The following KLK5 variants were observed in gnomAD, a reference collection of about 807,000 sequenced individuals.
KLK5 encodes kallikrein-5.
In KLK5, 18 loss-of-function variants were observed where a neutral mutation model predicts 24.0. The observed-to-expected ratio is 0.75, with a 90% CI of 0.52 to 1.11. KLK5 has a LOEUF of 1.11. KLK5 is among the 50% of genes most tolerant of loss of function. The pLI is 0.00. For missense variants in KLK5, 374 were observed against 379.2 expected (o/e 0.99, Z 0.11); for synonymous variants, 140 against 154.0 (o/e 0.91, Z 0.67).
intron 2 of KLK5, 40 bp from the exon 3 acceptor site, chr19:50,950,156 G>A: frequency 6.3e-7 from 1 of 1,588,176 alleles, no homozygotes; most frequent in Non-Finnish European, 8.6e-7. Context: ...TCAGAGGCGG[G>A]GCTTGGGCTG....
chr19:50,950,776 C>T (rs1402827573), intron 2 of KLK5, among the ~76,000 whole-genome samples: 1 of 151,274 alleles, frequency 6.6e-6, no homozygotes, highest in Non-Finnish European at 1.5e-5. Context: ...CCTGTAATCC[C>T]AGCTACTCAG....
At chr19:50,944,753 T>C (rs907666327) in intron 5 of KLK5, among the ~76,000 whole-genome samples, 2 of 152,176 alleles carry the variant, frequency 1.3e-5, no homozygotes, top group Admixed American at 1.3e-4. Flanking sequence ...CCCCTCCATA[T>C]AGTTGTGACA....
At chr19:50,951,274 T>C (rs966532052) in intron 2 of KLK5, among the ~76,000 whole-genome samples, 3 of 152,044 alleles carry the variant, frequency 2.0e-5, no homozygotes, top group Non-Finnish European at 2.9e-5. Flanking sequence ...CCCTTTTTTT[T>C]TTCTTTTTTT....
chr19:50,949,099 G>A lies in KLK5; in HGVS notation c.352C>T (p.Leu118Phe). ...HCRKKVFRVR[L>F]GHYSLSPVYE... ...ACTGGTGACAGGGAGTAGTGGCCGA[G>A]ACGGACTCTGAAAACTCTGAGGAAG... The change falls in exon 4 of 6, where the codon CTC becomes TTC. Residue 118 changes from leucine (L) to phenylalanine (F), a missense_variant. Leu to Phe is a conservative substitution (Grantham distance 22). Transcript: ENST00000336334. 1 of 1,612,442 alleles carries A rather than the reference G, an allele frequency of 6.2e-7. No homozygotes were observed. The highest frequency in any genetic ancestry group is 2.2e-5 in the East Asian group (1 of 44,862).
Position 50,948,698 on chromosome 19 carries a change from C to T in KLK5, c.668G>A (p.Arg223Lys), listed in dbSNP as rs150072734. The change falls in exon 5 of 6, where the codon AGA (arginine) becomes AAA (lysine). Residue 223 changes from arginine to lysine, a missense_variant. Physicochemically the swap from Arg to Lys is conservative, Grantham distance 26. Transcript: ENST00000336334. ...SQKRCEDAYP[R>K]QIDDTMFCAG... ...GCAGAACATGGTGTCATCTATCTGT[C>T]TCGGGTAAGCATCCTCGCACCTTTT... 42 of 1,614,042 alleles carry T rather than the reference C, an allele frequency of 2.6e-5. No homozygotes were observed. The African/African-American group carries it at 5.5e-4, about 21-fold the overall frequency.
At chr19:50,950,990 G>T (rs1042085459) in intron 2 of KLK5, among the ~76,000 whole-genome samples, 1 of 152,028 alleles carries the variant, frequency 6.6e-6, no homozygotes, top group Non-Finnish European at 1.5e-5. Flanking sequence ...GCCTTAGGCG[G>T]GGTCCACTAG....
chr19:50,951,309 G>C (rs932754048), intron 2 of KLK5, among the ~76,000 whole-genome samples: 5 of 150,440 alleles, frequency 3.3e-5, no homozygotes, highest in Admixed American at 6.6e-5. Flanking sequence ...TTTCGCTCTT[G>C]TTGCCCAGGC....
Position 50,948,972 on chromosome 19 carries a change from T to C in KLK5, c.479A>G (p.Asn160Ser), listed in dbSNP as rs749552989. The C allele has an allele frequency of 6.2e-7, 1 of 1,613,996 alleles. No homozygotes were observed. The change falls in exon 4 of 6, where the codon AAC (asparagine) becomes AGC (serine). Residue 160 changes from asparagine to serine, a missense_variant. Physicochemically the swap from Asn to Ser is conservative, Grantham distance 46. Transcript: ENST00000336334. ...ATCTTTAGTGGGACGAATTCTTCTG[T>C]TCAGTTTGATGAGCATGAGGTCGTT... is the stretch of plus-strand genomic sequence containing the variant. ...HSNDLMLIKLNRRIRPTKDVR... is the reference protein window; with the variant it reads ...HSNDLMLIKLSRRIRPTKDVR...
chr19:50,943,831 A>G, intron 5 of KLK5, 45 bp from the exon 6 acceptor site: 2 of 1,531,230 alleles, frequency 1.3e-6, no homozygotes, highest in Non-Finnish European at 1.8e-6. Flanking sequence ...AGATGTGGCA[A>G]AGTGGGCAGA....
intron 5 of KLK5, among the ~76,000 whole-genome samples, chr19:50,948,035 T>C (rs2090650517): frequency 6.6e-6 from 1 of 152,218 alleles, no homozygotes; most frequent in South Asian, 2.1e-4. Context: ...TCATTCATAA[T>C]TGTTTTATAT....
At position 50,943,646 on chromosome 19, in the gene KLK5, G is replaced by T. The variant is rs374348589; in HGVS notation, c.867C>A (p.Ile289=). The change falls in exon 6 of 6, where the codon ATC becomes ATA. Residue 289 remains isoleucine, a synonymous_variant. Transcript: ENST00000336334. ...CTGGGATGACTCAGGAGTTGGCCTGGATGGTTTCCTGGATCCACTTGGTGA... is the reference window on the plus strand; with the variant it reads ...CTGGGATGACTCAGGAGTTGGCCTGTATGGTTTCCTGGATCCACTTGGTGA... The part of the protein sequence containing the change: ...CKFTKWIQET[I]QANS The T allele has an allele frequency of 3.1e-6, 5 of 1,614,024 alleles. No homozygotes were observed. The African/African-American group carries it at 5.3e-5, about 17-fold the overall frequency.
chr19:50,950,230 G>T, intron 2 of KLK5, 114 bp from the exon 3 acceptor site: 2 of 944,338 alleles, frequency 2.1e-6, no homozygotes, highest in Non-Finnish European at 3.2e-6. Flanking sequence ...ATGCTGAGGG[G>T]GCAGGGGCAG....
chr19:50,952,744 T>G lies in KLK5; in HGVS notation c.-12+3A>C, dbSNP rs112163114. 4 of 962,444 alleles carry G rather than the reference T, an allele frequency of 4.2e-6. No homozygotes were observed. The highest frequency in any genetic ancestry group is 3.3e-5 in the African/African-American group (2 of 59,984). The allele number at this position is 962,444 out of a possible 1,614,324, so 59.6% of individuals were successfully genotyped here. On this transcript the variant is annotated splice_donor_region_variant and intron_variant, in intron 1 of 5. Coordinates refer to ENST00000336334, the MANE Select transcript of KLK5 (RefSeq NM_012427.5). ...CTTAACCCACTTCCCCTCCCTCCCC[T>G]ACCTTATTTCCCCAGGTAGAGAGGA... is the stretch of plus-strand genomic sequence containing the variant.
intron 3 of KLK5, 118 bp from the exon 4 acceptor site, chr19:50,949,233 C>T (rs916588174): frequency 1.1e-6 from 1 of 927,852 alleles, no homozygotes; most frequent in African/African-American, 1.8e-5. Context: ...GTCCCCAAAC[C>T]ATCCTCAACT....
At chr19:50,946,994 T>C (rs1423450114) in intron 5 of KLK5, among the ~76,000 whole-genome samples, 1 of 150,854 alleles carries the variant, frequency 6.6e-6, no homozygotes, top group Non-Finnish European at 1.5e-5. Flanking sequence ...GAGCTTTTCA[T>C]AGCCATGGGA....
chr19:50,946,708 T>C (rs268906), intron 5 of KLK5, among the ~76,000 whole-genome samples: 48,534 of 151,722 alleles, frequency 0.32, 8,429 homozygotes, highest in African/African-American at 0.47. Flanking sequence ...TACAGGCGCC[T>C]GCCACCACGC....
intron 5 of KLK5, among the ~76,000 whole-genome samples, chr19:50,948,414 C>T (rs568454306): frequency 1.3e-4 from 20 of 152,232 alleles, no homozygotes; most frequent in African/African-American, 4.8e-4. Flanking sequence ...TGAGCCACTG[C>T]GCCCAGCCTT....
At chr19:50,950,165 TG>T (rs1444832931) in intron 2 of KLK5, 49 bp from the exon 3 acceptor site, 3 of 1,468,948 alleles carry the variant, frequency 2.0e-6, no homozygotes, top group African/African-American at 1.4e-5. Context: ...GGGCTTGGGC[TG>T]GGGGTGGGTT....
chr19:50,945,330 CCA>C (rs2090622845), intron 5 of KLK5, among the ~76,000 whole-genome samples: 2 of 150,936 alleles, frequency 1.3e-5, no homozygotes, highest in East Asian at 3.9e-4. Flanking sequence ...TGCCTGTCTT[CCA>C]CTTGGGGAAC....
Sources: allele counts gnomAD v4.1 joint callset (sites outside exome capture counted in the v4.1 genomes callset), GRCh38; gene constraint gnomAD v4.1.1; transcripts MANE v1.5; gene names NCBI Gene and HGNC (gene_info 2026-07-23, HGNC 2026-07-21).